STX8: variants seen among roughly 807,000 people sequenced by gnomAD.
The protein encoded by STX8 is syntaxin-8.
In STX8, 23 loss-of-function variants were observed where a neutral mutation model predicts 37.5. The ratio of observed to expected loss-of-function variants is 0.61; its 90% confidence interval spans 0.44 to 0.87. The LOEUF is 0.87. Among genes scored for constraint, STX8 ranks in the 40% least tolerant of loss-of-function variants. STX8 has a pLI of 0.00. For synonymous variants in STX8, 115 were observed against 99.1 expected, an observed-to-expected ratio of 1.16 and a Z score of -0.95; for missense variants, 313 against 284.7, an observed-to-expected ratio of 1.10 and a Z score of -0.71.
At chr17:9,333,445 T>C (rs946290781) in intron 7 of STX8, among the ~76,000 whole-genome samples, 4 of 152,242 alleles carry the variant, frequency 2.6e-5, no homozygotes, top group South Asian at 2.1e-4. Context: ...TGGAGTGCAG[T>C]GGCATGATCT....
intron 6 of STX8, among the ~76,000 whole-genome samples, chr17:9,421,104 T>G (rs566431143): frequency 6.6e-6 from 1 of 152,122 alleles, no homozygotes; most frequent in African/African-American, 2.4e-5. Context: ...ACTATAGAAT[T>G]TTTTTTGGCT....
At chr17:9,387,252 T>C (rs954297227) in intron 6 of STX8, among the ~76,000 whole-genome samples, 8 of 152,170 alleles carry the variant, frequency 5.3e-5, no homozygotes, top group Admixed American at 3.3e-4. Flanking sequence ...CTCATCAGCA[T>C]TGAACACAGC....
chr17:9,568,278 C>T, intron 2 of STX8, 93 bp downstream of exon 2: 1 of 870,402 alleles, frequency 1.1e-6, no homozygotes, highest in South Asian at 1.6e-5. Flanking sequence ...ATCATACACA[C>T]ATGTGCACAG....
chr17:9,482,578 G>A (rs944372506), intron 6 of STX8, among the ~76,000 whole-genome samples: 1 of 152,124 alleles, frequency 6.6e-6, no homozygotes, highest in Non-Finnish European at 1.5e-5. Context: ...GCATTTGAGA[G>A]GCTTCTGATA....
intron 7 of STX8, among the ~76,000 whole-genome samples, chr17:9,349,075 T>C (rs1792904174): frequency 6.6e-6 from 1 of 152,158 alleles, no homozygotes; most frequent in Admixed American, 6.6e-5. Context: ...CACTGCAACC[T>C]CTGCCTTCCG....
chr17:9,512,775 T>A (rs982520129), intron 4 of STX8, among the ~76,000 whole-genome samples: 3 of 152,138 alleles, frequency 2.0e-5, no homozygotes, highest in Non-Finnish European at 4.4e-5. Flanking sequence ...GAATACTCAC[T>A]GGGGGAAGAC....
chr17:9,252,609 C>CAAAAAA (rs60037652), intron 7 of STX8, among the ~76,000 whole-genome samples: 2 of 94,042 alleles, frequency 2.1e-5, no homozygotes, highest in African/African-American at 8.6e-5. Context: ...AACTCTGTCT[C>CAAAAAA]AAAAAAAAAA....
chr17:9,463,366 A>G (rs549028929), intron 6 of STX8, among the ~76,000 whole-genome samples: 29 of 152,352 alleles, frequency 1.9e-4, no homozygotes, highest in African/African-American at 7.0e-4. Context: ...TTGTTTCGCT[A>G]TCACAGAATT....
chr17:9,384,120 T>C (rs1430120213), intron 6 of STX8, among the ~76,000 whole-genome samples: 1 of 137,172 alleles, frequency 7.3e-6, no homozygotes, highest in African/African-American at 3.1e-5. Flanking sequence ...CTCACCCTCA[T>C]TTGTTATTTT....
At chr17:9,470,550 T>G (rs760910358) in intron 6 of STX8, among the ~76,000 whole-genome samples, 35 of 152,220 alleles carry the variant, frequency 2.3e-4, no homozygotes, top group Non-Finnish European at 5.0e-4. Context: ...CTTAAGCGGC[T>G]TTCACCTTCT....
intron 7 of STX8, among the ~76,000 whole-genome samples, chr17:9,255,551 TAAATATATAA>T (rs1906761458): frequency 1.5e-5 from 1 of 67,650 alleles, no homozygotes; most frequent in African/African-American, 4.7e-5. Flanking sequence ...AATAAATAAA[TAAATATATAA>T]ATAAATAAAT....
intron 6 of STX8, among the ~76,000 whole-genome samples, chr17:9,490,177 T>C (rs1470031316): frequency 6.6e-6 from 1 of 152,202 alleles, no homozygotes; most frequent in African/African-American, 2.4e-5. Context: ...TAGTAATCTA[T>C]TTATTTATGA....
At chr17:9,324,820 C>A (rs1380714694) in intron 7 of STX8, among the ~76,000 whole-genome samples, 2 of 151,136 alleles carry the variant, frequency 1.3e-5, no homozygotes, top group Non-Finnish European at 2.9e-5. Context: ...CAGCTCCACT[C>A]TTATTTGGCC....
At chr17:9,496,074 TC>T (rs1396880294) in intron 5 of STX8, among the ~76,000 whole-genome samples, 5 of 44,772 alleles carry the variant, frequency 1.1e-4, no homozygotes, top group Admixed American at 4.0e-4. Context: ...TTTTTCTTTC[TC>T]TTTTTTTTTT....
intron 6 of STX8, among the ~76,000 whole-genome samples, chr17:9,412,095 G>A (rs1402304516): frequency 2.0e-5 from 3 of 152,296 alleles, no homozygotes; most frequent in Admixed American, 6.5e-5. Context: ...GTCAACTTGA[G>A]TTGACGGAGG....
rs397781975 is a variant in STX8, at chr17:9,460,987, T to TC, written c.541+30841dup. ...GGTCATCACTGCTTTTTTTTTTTTT[T>TC]CCCTGTGAGTCTCAACAGCCTAGGA... On this transcript the variant is annotated intron_variant, in intron 6 of 7. Transcript: ENST00000306357. 2.2e-3 allele frequency among the ~76,000 whole-genome samples: 328 copies of TC among 151,086 alleles called. 2 individuals are homozygous for TC. Among genetic ancestry groups the TC allele is most frequent in the Non-Finnish European group, 3.8e-3 (256 of 67,742 alleles).
intron 6 of STX8, among the ~76,000 whole-genome samples, chr17:9,484,013 C>T (rs1404022201): frequency 6.6e-6 from 1 of 152,162 alleles, no homozygotes; most frequent in Non-Finnish European, 1.5e-5. Flanking sequence ...TCATCAATGC[C>T]AAACAAACAA....
chr17:9,380,792 C>A (rs770416071), intron 6 of STX8, among the ~76,000 whole-genome samples: 1 of 145,518 alleles, frequency 6.9e-6, no homozygotes, highest in Non-Finnish European at 1.5e-5. Flanking sequence ...CAGCTCACCA[C>A]AACCTCTGCC....
intron 2 of STX8, among the ~76,000 whole-genome samples, chr17:9,562,834 G>A (rs1484188092): frequency 6.6e-6 from 1 of 152,016 alleles, no homozygotes; most frequent in African/African-American, 2.4e-5. Flanking sequence ...CCCCTTTGAG[G>A]GGGGATTTCA....
Sources: gnomAD v4.1 joint callset for allele counts (sites outside exome capture counted in the v4.1 genomes callset) on GRCh38, gnomAD v4.1.1 for gene constraint, MANE v1.5 for transcripts, NCBI Gene and HGNC (gene_info 2026-07-23, HGNC 2026-07-21) for gene names.